CDC25C: variants seen among roughly 807,000 people sequenced by gnomAD.
The protein encoded by CDC25C is cell division cycle 25C.
CDC25C carries 48 observed loss-of-function variants against 52.5 expected under a neutral mutation model. The observed-to-expected ratio is 0.91, with a 90% CI of 0.72 to 1.16. The LOEUF is 1.16. CDC25C is among the 50% of genes most tolerant of loss of function. CDC25C has a pLI of 0.00. For synonymous variants in CDC25C, 187 were observed against 206.5 expected, an observed-to-expected ratio of 0.91 and a Z score of 0.81; for missense variants, 510 against 566.1, an observed-to-expected ratio of 0.90 and a Z score of 1.01.
At position 138,287,333 on chromosome 5, in the gene CDC25C, A is replaced by G. The variant is rs1756340248; in HGVS notation, c.928-66T>C. On this transcript the variant is annotated intron_variant, in intron 10 of 13. Coordinates refer to ENST00000323760, the MANE Select transcript of CDC25C (RefSeq NM_001790.5). ...TCTGAGGGAGAGAAGGGTCAATGAC[A>G]CAGTTCCTTACAAGCATACTCCTGT... 4.6e-6 allele frequency: 5 copies of G among 1,091,096 alleles called. No individual in the cohort carries two copies. In the South Asian group the frequency reaches 5.2e-5, roughly 11 times the overall value. The allele number at this position is 1,091,096 out of a possible 1,614,324, so 67.6% of individuals were successfully genotyped here. A position where few individuals can be genotyped will look rare whatever the true frequency, so the allele number is the denominator to read the frequency against.
upstream of CDC25C, chr5:138,335,123 C>G (rs1045865561): frequency 6.6e-6 from 1 of 152,214 alleles, no homozygotes; most frequent in Non-Finnish European, 1.5e-5. Flanking sequence ...CCTGAAACAC[C>G]AAACAAGAAC....
At position 138,285,426 on chromosome 5, in the gene CDC25C, A is replaced by G; in HGVS notation, c.*266T>C. 2.6e-6 allele frequency: 1 copy of G among 386,452 alleles called. No homozygotes were observed. Among genetic ancestry groups the G allele is most frequent in the South Asian group, 4.8e-5 (1 of 20,688 alleles). 23.9% of individuals were successfully genotyped at this position (386,452 alleles called of 1,614,324 possible). A position where few individuals can be genotyped will look rare whatever the true frequency, so the allele number is the denominator to read the frequency against. On this transcript the variant is annotated 3_prime_UTR_variant, in exon 14 of 14. Coordinates refer to ENST00000323760, the MANE Select transcript of CDC25C (RefSeq NM_001790.5). The stretch of plus-strand genomic sequence containing the variant: ...TGTGAGAAGACATGAGGAGTTGGGA[A>G]AAGGAATGCCAGAGTTCCCTGAACC...
chr5:138,293,072 T>C (rs1580714840), intron 7 of CDC25C, among the ~76,000 whole-genome samples: 3 of 152,340 alleles, frequency 2.0e-5, no homozygotes, highest in Non-Finnish European at 2.9e-5. Context: ...TTTTGCTTTA[T>C]GACAGCTATG....
At position 138,323,286 on chromosome 5, in the gene CDC25C, G is replaced by A. The variant is rs574854155; in HGVS notation, c.459+2529C>T. Among the ~76,000 whole-genome samples the A allele has an allele frequency of 8.5e-5, 13 of 152,178 alleles. No homozygotes were observed. In the South Asian group the frequency reaches 2.5e-3, roughly 29 times the overall value. On this transcript the variant is annotated intron_variant, in intron 6 of 13. Transcript: ENST00000323760. Reference sequence around the variant, plus strand: ...TTTTACCATGTATGTATGTGTGTGTGTATTATTTATTTGAGACTGAGTCTC... The same window carrying A: ...TTTTACCATGTATGTATGTGTGTGTATATTATTTATTTGAGACTGAGTCTC...
At chr5:138,330,233 C>T (rs546208187) in intron 2 of CDC25C, among the ~76,000 whole-genome samples, 6 of 151,690 alleles carry the variant, frequency 4.0e-5, no homozygotes, top group South Asian at 2.1e-4. Flanking sequence ...GTTTATTGGC[C>T]GAGGGGGATC....
At chr5:138,296,098 G>A (rs1757152461) in intron 7 of CDC25C, among the ~76,000 whole-genome samples, 1 of 152,124 alleles carries the variant, frequency 6.6e-6, no homozygotes, top group Admixed American at 6.6e-5. Flanking sequence ...GCTATCAACA[G>A]CCTTCATGTT....
At chr5:138,302,904 A>G (rs1297443057) in intron 7 of CDC25C, among the ~76,000 whole-genome samples, 1 of 141,474 alleles carries the variant, frequency 7.1e-6, no homozygotes, top group African/African-American at 2.7e-5. Context: ...CTATAGGGGA[A>G]AAAAAAAAAA....
chr5:138,319,228 T>C lies in CDC25C; in HGVS notation c.606A>G (p.Gln202=). 1 of 1,612,698 alleles carries C rather than the reference T, an allele frequency of 6.2e-7. No individual in the cohort carries two copies. Among genetic ancestry groups the C allele is most frequent in the Non-Finnish European group, 8.5e-7 (1 of 1,179,254 alleles). Reference sequence around the variant, plus strand: ...CCACAGAACACTTTACCTTTGCTTCTTGATCTTTCAGGGAAAACTCCATTA... The same window carrying C: ...CCACAGAACACTTTACCTTTGCTTCCTGATCTTTCAGGGAAAACTCCATTA... ...DELMEFSLKD[Q]EAKVSRSGLY... is the part of the protein sequence containing the mutation. The change falls in exon 7 of 14, where the codon CAA becomes CAG. Residue 202 remains glutamine (Q), a synonymous_variant. Transcript: ENST00000323760.
intron 10 of CDC25C, 79 bp from the exon 11 acceptor site, chr5:138,287,346 A>G: frequency 1.0e-6 from 1 of 967,920 alleles, no homozygotes; most frequent in Non-Finnish European, 1.7e-6. Flanking sequence ...GTTCCTTACA[A>G]GCATACTCCT....
chr5:138,323,731 T>C (rs555474629), intron 6 of CDC25C, among the ~76,000 whole-genome samples: 1 of 151,558 alleles, frequency 6.6e-6, no homozygotes, highest in Non-Finnish European at 1.5e-5. Context: ...GAGGCCGAGG[T>C]GGGTGGATCA....
upstream of CDC25C, chr5:138,335,124 A>G (rs1442289000): frequency 1.3e-5 from 2 of 152,290 alleles, no homozygotes; most frequent in African/African-American, 4.8e-5. Context: ...CTGAAACACC[A>G]AACAAGAACA....
chr5:138,338,283 G>T, exon 1 of CDC25C: 1 of 847,996 alleles, frequency 1.2e-6, no homozygotes, highest in Non-Finnish European at 1.7e-6. Flanking sequence ...CTCCGGCCGC[G>T]GCCCTGGGAG....
intron 6 of CDC25C, among the ~76,000 whole-genome samples, chr5:138,321,088 T>TCA (rs1040750670): frequency 1.3e-5 from 2 of 151,686 alleles, no homozygotes; most frequent in Non-Finnish European, 2.9e-5. Flanking sequence ...GAGTGAGACC[T>TCA]CACACACACA....
At chr5:138,296,147 T>C (rs932173791) in intron 7 of CDC25C, among the ~76,000 whole-genome samples, 3 of 152,228 alleles carry the variant, frequency 2.0e-5, no homozygotes, top group Non-Finnish European at 4.4e-5. Flanking sequence ...ACATTATCTT[T>C]CTGAACCTCA....
At chr5:138,289,646 C>T (rs1477925397) in intron 9 of CDC25C, 83 bp from the exon 10 acceptor site, 1 of 1,143,464 alleles carries the variant, frequency 8.7e-7, no homozygotes, top group Non-Finnish European at 1.3e-6. Context: ...GTCCTTCTTT[C>T]CAAGTGACCC....
intron 7 of CDC25C, among the ~76,000 whole-genome samples, chr5:138,301,017 C>T (rs11743259): frequency 0.14 from 21,990 of 152,026 alleles, 1,857 homozygotes; most frequent in South Asian, 0.23. Context: ...GTACTAAATA[C>T]CCTTATTTAA....
intron 7 of CDC25C, among the ~76,000 whole-genome samples, chr5:138,318,160 C>T (rs1759052361): frequency 1.3e-5 from 2 of 152,086 alleles, no homozygotes; most frequent in African/African-American, 2.4e-5. Flanking sequence ...AAAACCCCGT[C>T]TCTACTAAAA....
intron 2 of CDC25C, among the ~76,000 whole-genome samples, chr5:138,330,679 T>G (rs557155301): frequency 6.6e-6 from 1 of 152,308 alleles, no homozygotes; most frequent in South Asian, 2.1e-4. Flanking sequence ...AGCTAACTTT[T>G]AATATTTTTT....
rs375363328 is a variant in CDC25C, at chr5:138,325,868, G to A, written c.406C>T (p.Arg136Cys). 2.5e-5 allele frequency: 41 copies of A among 1,613,862 alleles called. No individual in the cohort carries two copies. In the African/African-American group the frequency reaches 3.1e-4, roughly 12 times the overall value. ...ATTGCATCTCTCTTTCTATGGCCACGGTCCAAACCATTCGGAGTGCTACAA... is the reference window on the plus strand; with the variant it reads ...ATTGCATCTCTCTTTCTATGGCCACAGTCCAAACCATTCGGAGTGCTACAA... The part of the protein sequence containing the change: ...LLCSTPNGLD[R>C]GHRKRDAMCS... The change falls in exon 6 of 14, where the codon CGT becomes TGT. Residue 136 changes from arginine to cysteine, a missense_variant. Coordinates refer to ENST00000323760, the MANE Select transcript of CDC25C (RefSeq NM_001790.5).
Sources: allele counts gnomAD v4.1 joint callset (sites outside exome capture counted in the v4.1 genomes callset), GRCh38; gene constraint gnomAD v4.1.1; transcripts MANE v1.5; gene names NCBI Gene and HGNC (gene_info 2026-07-23, HGNC 2026-07-21).